RNF182: variants seen among roughly 807,000 people sequenced by gnomAD.
The protein encoded by RNF182 is ring finger protein 182.
RNF182 carries 15 observed loss-of-function variants against 14.4 expected under a neutral mutation model. That is an observed-to-expected ratio of 1.04 (90% confidence interval 0.70 to 1.60). RNF182 has a LOEUF of 1.60. RNF182 is among the 40% of genes most tolerant of loss of function. The pLI is 0.00. For missense variants in RNF182, 268 were observed against 294.8 expected (o/e 0.91, Z 0.67); for synonymous variants, 128 against 122.9 (o/e 1.04, Z -0.27).
intron 1 of RNF182, among the ~76,000 whole-genome samples, chr6:13,936,180 A>C (rs1300470158): frequency 1.3e-5 from 2 of 152,188 alleles, no homozygotes; most frequent in African/African-American, 4.8e-5. Flanking sequence ...ACCTACCACC[A>C]GGCCCCGCCT....
intron 1 of RNF182, among the ~76,000 whole-genome samples, chr6:13,935,732 A>G (rs867376728): frequency 3.9e-5 from 6 of 152,352 alleles, no homozygotes; most frequent in Middle Eastern, 6.8e-3. Context: ...TGTATCTTAC[A>G]TTGAATACAT....
intron 1 of RNF182, among the ~76,000 whole-genome samples, chr6:13,929,835 C>T (rs965573312): frequency 2.0e-5 from 3 of 152,100 alleles, no homozygotes; most frequent in African/African-American, 7.2e-5. Flanking sequence ...AATTATTATG[C>T]TTGGGCTTTC....
chr6:13,926,777 G>A (rs909990551), intron 1 of RNF182, among the ~76,000 whole-genome samples: 2 of 139,156 alleles, frequency 1.4e-5, no homozygotes, highest in African/African-American at 6.0e-5. Flanking sequence ...TTGTGTGTTT[G>A]TGTGTGTGTG....
At chr6:13,957,616 G>A (rs1439034628) in intron 1 of RNF182, among the ~76,000 whole-genome samples, 1 of 152,106 alleles carries the variant, frequency 6.6e-6, no homozygotes, top group Non-Finnish European at 1.5e-5. Context: ...AAGAGATGGT[G>A]TATTCTTTAG....
chr6:13,929,446 A>G (rs1758911801), intron 1 of RNF182, among the ~76,000 whole-genome samples: 1 of 152,106 alleles, frequency 6.6e-6, no homozygotes, highest in Non-Finnish European at 1.5e-5. Context: ...TTTTAAATCT[A>G]CAATAAAAGG....
chr6:13,925,516 G>A (rs1298820517), intron 1 of RNF182: 1 of 152,214 alleles, frequency 6.6e-6, no homozygotes, highest in Non-Finnish European at 1.5e-5. Flanking sequence ...GCATTTTGAG[G>A]AGGCTTCTGA....
rs770864500 is a variant in RNF182 at position 13,977,449 on chromosome 6, C to T, written c.330C>T (p.Leu110=). The change falls in exon 3 of 3, where the codon CTC becomes CTT. Residue 110 remains leucine, a synonymous_variant. Coordinates refer to ENST00000488300, the MANE Select transcript of RNF182 (RefSeq NM_152737.4). ...CLPENPTELL[L]TPKRLASLVS... Reference sequence around the variant, plus strand: ...CAGAGAACCCTACTGAGCTGCTGCTCACCCCCAAGAGGCTGGCCTCTCTGG... The same window carrying T: ...CAGAGAACCCTACTGAGCTGCTGCTTACCCCCAAGAGGCTGGCCTCTCTGG... 11 of 1,614,184 alleles carry T rather than the reference C, an allele frequency of 6.8e-6. No individual in the cohort carries two copies. The highest frequency in any genetic ancestry group is 9.3e-6 in the Non-Finnish European group (11 of 1,180,026).
chr6:13,939,417 T>A (rs1055356741), intron 1 of RNF182, among the ~76,000 whole-genome samples: 3 of 152,166 alleles, frequency 2.0e-5, no homozygotes, highest in African/African-American at 7.2e-5. Flanking sequence ...AGTATTGTAC[T>A]TCTTTCATTA....
At chr6:13,946,731 C>T (rs963146539) in intron 1 of RNF182, among the ~76,000 whole-genome samples, 6 of 152,152 alleles carry the variant, frequency 3.9e-5, no homozygotes, top group Non-Finnish European at 8.8e-5. Flanking sequence ...ACATTTCCCC[C>T]CTCCCATTTA....
At chr6:13,958,775 A>G (rs1025558087) in intron 1 of RNF182, among the ~76,000 whole-genome samples, 7 of 152,232 alleles carry the variant, frequency 4.6e-5, no homozygotes, top group Non-Finnish European at 1.5e-5. Context: ...AGGGATTTTG[A>G]AAACGAGTAA....
chr6:13,946,308 A>C (rs775195858), intron 1 of RNF182, among the ~76,000 whole-genome samples: 5 of 151,930 alleles, frequency 3.3e-5, no homozygotes, highest in Non-Finnish European at 7.4e-5. Context: ...CTGGAACTAC[A>C]GGCATGTGCA....
rs1561792108 is a variant in RNF182, at chr6:13,979,699, T to A, written c.*1836T>A. ...GATTTATATATTTGTAAGGTTTTTT[T>A]AAAAAAATGTTCGTTTTGTTTGAAA... On this transcript the variant is annotated 3_prime_UTR_variant, in exon 3 of 3. Coordinates refer to ENST00000488300, the MANE Select transcript of RNF182 (RefSeq NM_152737.4). 2 of 166,956 alleles carry A rather than the reference T, an allele frequency of 1.2e-5. No individual in the cohort carries two copies. The highest frequency in any genetic ancestry group is 4.8e-5 in the African/African-American group (2 of 41,560). The allele number at this position is 166,956 out of a possible 1,614,324, so 10.3% of individuals were successfully genotyped here. A position where few individuals can be genotyped will look rare whatever the true frequency, so the allele number is the denominator to read the frequency against.
Position 13,977,575 on chromosome 6 carries a change from T to A in RNF182, c.456T>A (p.Phe152Leu). Residue 152 changes from phenylalanine to leucine, a missense_variant, in exon 3 of 3, where the codon TTT (phenylalanine) becomes TTA (leucine). Transcript: ENST00000488300. ...PSLSSTPVVEFYRPASFDSVT... is the reference protein window; with the variant it reads ...PSLSSTPVVELYRPASFDSVT... ...TGAGCTCCACTCCTGTGGTAGAATT[T>A]TATAGGCCTGCGAGTTTCGACTCTG... 1.2e-6 allele frequency: 2 copies of A among 1,614,172 alleles called. No individual in the cohort carries two copies. The highest frequency in any genetic ancestry group is 1.7e-6 in the Non-Finnish European group (2 of 1,180,020).
intron 1 of RNF182, among the ~76,000 whole-genome samples, chr6:13,943,951 A>C (rs1055056813): frequency 1.3e-5 from 2 of 152,218 alleles, no homozygotes; most frequent in African/African-American, 4.8e-5. Flanking sequence ...AACTTCTTGT[A>C]TCCTTAGGAC....
chr6:13,930,012 AATTTATT>A (rs1209477106), intron 1 of RNF182, among the ~76,000 whole-genome samples: 1 of 152,186 alleles, frequency 6.6e-6, no homozygotes, highest in African/African-American at 2.4e-5. Flanking sequence ...GTTGTTCCTT[AATTTATT>A]ATTCGTATTC....
intron 1 of RNF182, among the ~76,000 whole-genome samples, chr6:13,959,429 G>C (rs144435569): frequency 7.7e-4 from 118 of 152,262 alleles, no homozygotes; most frequent in Middle Eastern, 3.4e-3. Context: ...TGTAATAAAC[G>C]GATGGTAGAT....
chr6:13,975,059 A>G (rs115279905), intron 2 of RNF182, among the ~76,000 whole-genome samples: 301 of 152,324 alleles, frequency 2.0e-3, no homozygotes, highest in African/African-American at 7.0e-3. Context: ...TACTGTTGTA[A>G]GAGCCTTGTG....
intron 2 of RNF182, among the ~76,000 whole-genome samples, chr6:13,974,962 C>T (rs962512746): frequency 6.6e-6 from 1 of 152,226 alleles, no homozygotes; most frequent in Non-Finnish European, 1.5e-5. Flanking sequence ...TTCAGGAGAG[C>T]ATTACATCTG....
chr6:13,925,761 G>A (rs1758808067), intron 1 of RNF182, among the ~76,000 whole-genome samples: 1 of 152,176 alleles, frequency 6.6e-6, no homozygotes, highest in African/African-American at 2.4e-5. Flanking sequence ...TATGTGTAGG[G>A]AGGCAATCCA....
Sources: gnomAD v4.1 joint callset for allele counts (sites outside exome capture counted in the v4.1 genomes callset) on GRCh38, gnomAD v4.1.1 for gene constraint, MANE v1.5 for transcripts, NCBI Gene and HGNC (gene_info 2026-07-23, HGNC 2026-07-21) for gene names.